TTLL4: variants seen among roughly 807,000 people sequenced by gnomAD.
TTLL4 encodes tubulin monoglutamylase TTLL4.
TTLL4 carries 85 observed loss-of-function variants against 122.7 expected under a neutral mutation model. That is an observed-to-expected ratio of 0.69 (90% CI 0.58 to 0.83). The LOEUF is 0.83. Among genes scored for constraint, TTLL4 ranks in the 40% least tolerant of loss-of-function variants. The probability of loss-of-function intolerance (pLI) is 0.00; values close to 1 mark genes in which losing one functional copy is unlikely to be tolerated. For missense variants in TTLL4, 1,363 were observed against 1,488.6 expected (o/e 0.92, Z 1.39); for synonymous variants, 553 against 563.0 (o/e 0.98, Z 0.25).
intron 3 of TTLL4, among the ~76,000 whole-genome samples, 186 bp downstream of exon 3, chr2:218,739,349 CT>C (rs1456882561): frequency 6.6e-6 from 1 of 152,182 alleles, no homozygotes; most frequent in Admixed American, 6.5e-5. Context: ...TTGTTGCCTG[CT>C]TTTGTAAATA....
At chr2:218,739,955 A>G in intron 3 of TTLL4, 103 bp from the exon 4 acceptor site, 1 of 1,041,468 alleles carries the variant, frequency 9.6e-7, no homozygotes, top group South Asian at 1.5e-5. Context: ...GCAGATTGGT[A>G]ATGGAGAAGG....
chr2:218,745,065 T>C, intron 5 of TTLL4, 44 bp from the exon 6 acceptor site: 1 of 1,609,224 alleles, frequency 6.2e-7, no homozygotes. Context: ...TTCAGGGCTG[T>C]TGCTTTTTCC....
chr2:218,753,466 A>G (rs1217233241), intron 18 of TTLL4, 118 bp from the exon 19 acceptor site: 3 of 1,045,142 alleles, frequency 2.9e-6, no homozygotes, highest in Admixed American at 1.8e-5. Flanking sequence ...CCTGAGGGGT[A>G]GGGAAGGGGA....
chr2:218,745,993 C>T, intron 7 of TTLL4, 162 bp from the exon 8 acceptor site: 1 of 892,032 alleles, frequency 1.1e-6, no homozygotes, highest in Non-Finnish European at 1.8e-6. Flanking sequence ...AGACAGAGGG[C>T]CATTGTTCTG....
chr2:218,757,081 A>G (rs1943166625), downstream of TTLL4, among the ~76,000 whole-genome samples: 1 of 152,202 alleles, frequency 6.6e-6, no homozygotes, highest in Non-Finnish European at 1.5e-5. Context: ...CCTACAGTGC[A>G]GGGTTGCGAA....
intron 15 of TTLL4, 174 bp from the exon 16 acceptor site, chr2:218,751,530 C>T (rs1943013415): frequency 1.2e-6 from 1 of 804,562 alleles, no homozygotes; most frequent in African/African-American, 1.9e-5. Context: ...TGATGACTCT[C>T]AGGTTACTTC....
Position 218,737,764 on chromosome 2 carries a change from G to T in TTLL4, c.88G>T (p.Ala30Ser). ...KQSGPSGTVP[A>S]TPPEKPSEGR... ...GAGTGGTCCCTCAGGCACAGTACCTGCCACGCCACCTGAGAAACCCTCGGA... is the reference window on the plus strand; with the variant it reads ...GAGTGGTCCCTCAGGCACAGTACCTTCCACGCCACCTGAGAAACCCTCGGA... The change falls in exon 3 of 20, where the codon GCC becomes TCC. Residue 30 changes from alanine (A) to serine (S), a missense_variant. Around this residue, in one of 3 missense-constraint regions of TTLL4, gnomAD observed 760 missense variants for 808.4 expected, o/e 0.94. Transcript: ENST00000392102. 6.2e-7 allele frequency: 1 copy of T among 1,614,012 alleles called. No individual in the cohort carries two copies. Among genetic ancestry groups the T allele is most frequent in the African/African-American group, 1.3e-5 (1 of 75,052 alleles).
chr2:218,748,019 C>T, intron 11 of TTLL4, 86 bp from the exon 12 acceptor site: 11 of 1,549,370 alleles, frequency 7.1e-6, no homozygotes, highest in Non-Finnish European at 9.7e-6. Flanking sequence ...TGTTCTACAC[C>T]TCTTCAGGAT....
intron 7 of TTLL4, 51 bp from the exon 8 acceptor site, chr2:218,746,104 G>A: frequency 6.2e-7 from 1 of 1,608,588 alleles, no homozygotes. Flanking sequence ...GCCTCTCTCT[G>A]TCCCTGGACT....
intron 1 of TTLL4, among the ~76,000 whole-genome samples, chr2:218,711,395 C>T (rs1472690339): frequency 1.3e-5 from 2 of 152,186 alleles, no homozygotes; most frequent in African/African-American, 4.8e-5. Flanking sequence ...AGCCCAAGCT[C>T]CTCGCAGGCT....
intron 1 of TTLL4, among the ~76,000 whole-genome samples, chr2:218,719,535 C>T (rs2106393445): frequency 1.4e-5 from 2 of 140,466 alleles, no homozygotes; most frequent in African/African-American, 5.3e-5. Context: ...GTTCACATAA[C>T]AGAGTTCAAG....
chr2:218,745,030 A>G (rs2095344573), intron 5 of TTLL4, 79 bp from the exon 6 acceptor site: 1 of 1,548,926 alleles, frequency 6.5e-7, no homozygotes, highest in Non-Finnish European at 8.7e-7. Flanking sequence ...ACTTGGAAAT[A>G]AATCGTACGT....
At chr2:218,746,904 G>T in intron 8 of TTLL4, 99 bp from the exon 9 acceptor site, 1 of 1,336,488 alleles carries the variant, frequency 7.5e-7, no homozygotes, top group Non-Finnish European at 1.0e-6. Flanking sequence ...AAAGCTTGGA[G>T]TGCTGCTAAA....
Position 218,747,462 on chromosome 2 carries a change from C to T in TTLL4, c.2249+90C>T. 1.3e-6 allele frequency: 2 copies of T among 1,568,720 alleles called. No homozygotes were observed. The highest frequency in any genetic ancestry group is 1.2e-5 in the South Asian group (1 of 86,372). On this transcript the variant is annotated intron_variant, in intron 10 of 19. Transcript: ENST00000392102. This position sits in a 1 kb window ranked among gnomAD's most constrained non-coding sequence, Gnocchi z 4.7. Reference sequence around the variant, plus strand: ...TACAATGTTCTGCCCTTTGTTCTCCCAGCCAAAGAGCTTCCTTAGCCAACT... The same window carrying T: ...TACAATGTTCTGCCCTTTGTTCTCCTAGCCAAAGAGCTTCCTTAGCCAACT...
downstream of TTLL4, among the ~76,000 whole-genome samples, chr2:218,756,191 C>T (rs1309285402): frequency 5.9e-5 from 9 of 152,148 alleles, no homozygotes; most frequent in Non-Finnish European, 1.3e-4. Context: ...AGGACCTAGG[C>T]ACGGAGTCCT....
rs1255001757 is a variant in TTLL4 at position 218,752,855 on chromosome 2, T to A, written c.3069T>A (p.Phe1023Leu). ...ATGAGTTTTCTCGCCGTGGTCAGTT[T>A]GAACGAATTTTTCCTTCTCATATCT... is the stretch of plus-strand genomic sequence containing the variant. ...MEDEFSRRGQFERIFPSHISS... is the reference protein window; with the variant it reads ...MEDEFSRRGQLERIFPSHISS... The change falls in exon 17 of 20, where the codon TTT becomes TTA. Residue 1023 changes from phenylalanine (F) to leucine (L), a missense_variant. Transcript: ENST00000392102. 3 of 1,614,106 alleles carry A rather than the reference T, an allele frequency of 1.9e-6. No individual in the cohort carries two copies. In the Admixed American group the frequency reaches 5.0e-5, roughly 27 times the overall value.
At chr2:218,718,838 G>A (rs181446620) in intron 1 of TTLL4, among the ~76,000 whole-genome samples, 93 of 152,268 alleles carry the variant, frequency 6.1e-4, no homozygotes, top group African/African-American at 2.0e-3. Flanking sequence ...TCCTGAGAAT[G>A]GGTGTTTTAA....
At chr2:218,743,174 C>T (rs1942750418) in intron 5 of TTLL4, among the ~76,000 whole-genome samples, 1 of 151,792 alleles carries the variant, frequency 6.6e-6, no homozygotes, top group Non-Finnish European at 1.5e-5. Context: ...AGAACGTTGT[C>T]ATCACTGTAG....
Position 218,737,569 on chromosome 2 carries a change from T to C in TTLL4, c.-98-10T>C, listed in dbSNP as rs1022042377. ...ACTGTAACATTTCCTATCATTTCTCTCCACTTCAGACTGACAGACTTCAAG... is the reference window on the plus strand; with the variant it reads ...ACTGTAACATTTCCTATCATTTCTCCCCACTTCAGACTGACAGACTTCAAG... On this transcript the variant is annotated splice_polypyrimidine_tract_variant and intron_variant, in intron 2 of 19. Coordinates refer to ENST00000392102, the MANE Select transcript of TTLL4 (RefSeq NM_014640.5). The C allele has an allele frequency of 1.6e-6, 2 of 1,289,974 alleles. No homozygotes were observed. Among genetic ancestry groups the C allele is most frequent in the Admixed American group, 4.7e-5 (2 of 42,900 alleles). The allele number at this position is 1,289,974 out of a possible 1,614,324, so 79.9% of individuals were successfully genotyped here.
Sources: gnomAD v4.1 joint callset for allele counts (sites outside exome capture counted in the v4.1 genomes callset) on GRCh38, gnomAD v4.1.1 for gene constraint, gnomAD v4.1.1 regional missense constraint, Gnocchi (gnomAD v3.1) non-coding constraint, MANE v1.5 for transcripts, NCBI Gene and HGNC (gene_info 2026-07-23, HGNC 2026-07-21) for gene names.